Variants in KIAA0825 observed in about 807,000 individuals in gnomAD.
KIAA0825 encodes KIAA0825.
Under a neutral mutation model 147.6 loss-of-function variants are expected in KIAA0825, and 119 were observed. The ratio of observed to expected loss-of-function variants is 0.81; its 90% CI spans 0.69 to 0.94. The LOEUF is 0.94. KIAA0825 is among the 40% of genes least tolerant of loss of function. The pLI is 0.00. For synonymous variants in KIAA0825, 470 were observed against 518.1 expected, an observed-to-expected ratio of 0.91 and a Z score of 1.26; for missense variants, 1,381 against 1,472.7, an observed-to-expected ratio of 0.94 and a Z score of 1.02.
Position 94,464,900 on chromosome 5 carries a change from G to A in KIAA0825, c.2032C>T (p.His678Tyr), listed in dbSNP as rs566697635. 1.3e-6 allele frequency: 2 copies of A among 1,551,460 alleles called. No individual in the cohort carries two copies. The highest frequency in any genetic ancestry group is 8.7e-7 in the Non-Finnish European group (1 of 1,146,866). Residue 678 changes from histidine (H) to tyrosine (Y), a missense_variant, in exon 11 of 21, where the codon CAC becomes TAC. Coordinates refer to ENST00000682413, the MANE Select transcript of KIAA0825 (RefSeq NM_001145678.3). ...TGTGGAGTTCTTTTACGGCTGGGGT[G>A]GGCCCGAGCGTATCTGGAGGCCAGT... ...SLLASRYARA[H>Y]PSRKRTPQLR...
At chr5:94,523,548 C>T (rs1276285362) in intron 4 of KIAA0825, among the ~76,000 whole-genome samples, 1 of 151,432 alleles carries the variant, frequency 6.6e-6, no homozygotes, top group Non-Finnish European at 1.5e-5. Context: ...TCTTATTATG[C>T]TTTAATAATG....
intron 20 of KIAA0825, among the ~76,000 whole-genome samples, chr5:94,221,669 C>A (rs1426061656): frequency 2.6e-5 from 4 of 152,122 alleles, no homozygotes; most frequent in Non-Finnish European, 5.9e-5. Flanking sequence ...GAACTGATTT[C>A]CTCTGCTGCC....
intron 3 of KIAA0825, among the ~76,000 whole-genome samples, chr5:94,530,667 G>A (rs1428678865): frequency 1.3e-5 from 2 of 152,170 alleles, no homozygotes; most frequent in Non-Finnish European, 2.9e-5. Flanking sequence ...AAGTTGACAG[G>A]CTTGGATTCA....
Position 94,417,216 on chromosome 5 carries a change from A to T in KIAA0825, c.2647T>A (p.Leu883Ile). 6.4e-7 allele frequency: 1 copy of T among 1,550,880 alleles called. No individual in the cohort carries two copies. The highest frequency in any genetic ancestry group is 8.7e-7 in the Non-Finnish European group (1 of 1,146,448). Residue 883 changes from leucine to isoleucine, a missense_variant, in exon 15 of 21, where the codon TTA becomes ATA. Transcript: ENST00000682413. ...YMEEEQLWDF[L>I]YNIPVSTCVE... ...TGTCTCATACCTGGGATGTTATATA[A>T]AAAGTCCCATAATTGCTCTTCTTCC...
chr5:94,577,448 T>C (rs1483527248), intron 2 of KIAA0825, among the ~76,000 whole-genome samples: 1 of 152,208 alleles, frequency 6.6e-6, no homozygotes, highest in Non-Finnish European at 1.5e-5. Flanking sequence ...TTTCGAAGTG[T>C]AGTCCAAAAC....
At chr5:94,172,217 T>A (rs1173585534) in intron 20 of KIAA0825, among the ~76,000 whole-genome samples, 1 of 152,210 alleles carries the variant, frequency 6.6e-6, no homozygotes, top group Non-Finnish European at 1.5e-5. Context: ...TTGTCACTGG[T>A]CAATCTTGGA....
chr5:94,340,671 A>G (rs1209509853), intron 20 of KIAA0825, among the ~76,000 whole-genome samples: 2 of 151,664 alleles, frequency 1.3e-5, no homozygotes, highest in African/African-American at 4.8e-5. Context: ...ATTATGTGAA[A>G]AAGCTCATGA....
intron 20 of KIAA0825, among the ~76,000 whole-genome samples, chr5:94,220,818 G>T (rs916379842): frequency 6.6e-6 from 1 of 152,062 alleles, no homozygotes; most frequent in Non-Finnish European, 1.5e-5. Context: ...CATGTACATG[G>T]TGAGCCAATT....
intron 20 of KIAA0825, among the ~76,000 whole-genome samples, chr5:94,195,327 T>TA (rs1346265351): frequency 6.6e-6 from 1 of 152,228 alleles, no homozygotes; most frequent in Non-Finnish European, 1.5e-5. Flanking sequence ...TTTGAATTGA[T>TA]AATTTCATAC....
intron 20 of KIAA0825, among the ~76,000 whole-genome samples, chr5:94,235,455 G>A (rs1470596476): frequency 6.6e-6 from 1 of 152,222 alleles, no homozygotes; most frequent in Non-Finnish European, 1.5e-5. Context: ...TCTGAAGGTA[G>A]CAGAACTTGG....
intron 20 of KIAA0825, among the ~76,000 whole-genome samples, chr5:94,363,179 T>G (rs1018346437): frequency 3.3e-5 from 5 of 151,998 alleles, no homozygotes; most frequent in African/African-American, 1.2e-4. Flanking sequence ...GTTTTCTTTT[T>G]TTTTTTTTTT....
At chr5:94,451,294 A>G (rs968228160) in intron 13 of KIAA0825, among the ~76,000 whole-genome samples, 4 of 152,220 alleles carry the variant, frequency 2.6e-5, no homozygotes, top group Admixed American at 6.5e-5. Flanking sequence ...GCTACAATGT[A>G]GAACATTTAT....
At chr5:94,293,437 A>G (rs949494311) in intron 20 of KIAA0825, among the ~76,000 whole-genome samples, 42 of 152,254 alleles carry the variant, frequency 2.8e-4, no homozygotes, top group Non-Finnish European at 8.8e-5. Flanking sequence ...GAGTTTCTTA[A>G]TCCTGAGTTC....
At chr5:94,539,748 C>T (rs1371056757) in intron 2 of KIAA0825, among the ~76,000 whole-genome samples, 1 of 151,892 alleles carries the variant, frequency 6.6e-6, no homozygotes, top group Non-Finnish European at 1.5e-5. Context: ...GCTTGGCCAA[C>T]CTTGGGTTAG....
intron 11 of KIAA0825, among the ~76,000 whole-genome samples, chr5:94,464,097 G>A (rs921154632): frequency 3.8e-4 from 56 of 146,762 alleles, no homozygotes; most frequent in South Asian, 2.1e-4. Context: ...AAAGCCTCCC[G>A]TGTCTGTAGG....
chr5:94,573,054 A>G (rs1780265529), intron 2 of KIAA0825, among the ~76,000 whole-genome samples: 1 of 150,274 alleles, frequency 6.7e-6, no homozygotes. Flanking sequence ...GAGAAATGAG[A>G]CATCAATCAA....
intron 20 of KIAA0825, among the ~76,000 whole-genome samples, chr5:94,228,976 G>A (rs1298021250): frequency 2.0e-5 from 3 of 152,184 alleles, no homozygotes; most frequent in Non-Finnish European, 4.4e-5. Flanking sequence ...AAGGATGAGA[G>A]AACCAGTTTC....
At chr5:94,329,513 G>T (rs1166751150) in intron 20 of KIAA0825, among the ~76,000 whole-genome samples, 2 of 152,106 alleles carry the variant, frequency 1.3e-5, no homozygotes, top group African/African-American at 2.4e-5. Context: ...AGTTATATAT[G>T]TATATGAATG....
At chr5:94,287,292 G>C (rs1777704429) in intron 20 of KIAA0825, among the ~76,000 whole-genome samples, 1 of 152,142 alleles carries the variant, frequency 6.6e-6, no homozygotes, top group Non-Finnish European at 1.5e-5. Context: ...AGTCTTTGCA[G>C]ACACATCCAA....
Sources: allele counts gnomAD v4.1 joint callset (sites outside exome capture counted in the v4.1 genomes callset), GRCh38; gene constraint gnomAD v4.1.1; transcripts MANE v1.5; gene names NCBI Gene and HGNC (gene_info 2026-07-23, HGNC 2026-07-21).